Variants in DENND5B observed in about 807,000 individuals in gnomAD.
DENND5B encodes the protein DENN domain containing 5B.
A neutral mutation model predicts 140.6 loss-of-function variants in DENND5B; 34 were observed. The ratio of observed to expected loss-of-function variants is 0.24; its 90% CI spans 0.18 to 0.32. The LOEUF is 0.32. Ranked by LOEUF, DENND5B falls within the 10% of genes least tolerant of loss-of-function variation. The probability of loss-of-function intolerance (pLI) is 1.00; values close to 1 mark genes in which losing one functional copy is unlikely to be tolerated. For synonymous variants in DENND5B, 551 were observed against 562.1 expected (o/e 0.98, Z 0.28); for missense variants, 1,142 against 1,560.2 (o/e 0.73, Z 4.52).
At chr12:31,391,937 A>C (rs969724349) in intron 19 of DENND5B, among the ~76,000 whole-genome samples, 2 of 152,074 alleles carry the variant, frequency 1.3e-5, no homozygotes, top group African/African-American at 4.8e-5. Flanking sequence ...TCAGGAGTTC[A>C]AGACCAGCCT....
chr12:31,450,915 G>A (rs1167350471), intron 5 of DENND5B, among the ~76,000 whole-genome samples: 3 of 152,040 alleles, frequency 2.0e-5, no homozygotes, highest in Non-Finnish European at 4.4e-5. Context: ...CTGGGAGATA[G>A]GTGAAAAAAA....
intron 1 of DENND5B, among the ~76,000 whole-genome samples, chr12:31,540,659 C>A (rs543213270): frequency 6.6e-6 from 1 of 151,440 alleles, no homozygotes; most frequent in East Asian, 1.9e-4. Context: ...GTCCCGCCCC[C>A]CAACCCCCCC....
chr12:31,569,789 G>GCAA (rs1949754262), intron 1 of DENND5B, among the ~76,000 whole-genome samples: 1 of 152,132 alleles, frequency 6.6e-6, no homozygotes, highest in Non-Finnish European at 1.5e-5. Flanking sequence ...TCCAGCCTGG[G>GCAA]CAACAGAGTG....
At chr12:31,499,998 A>C (rs1314757821) in intron 1 of DENND5B, among the ~76,000 whole-genome samples, 1 of 152,258 alleles carries the variant, frequency 6.6e-6, no homozygotes, top group African/African-American at 2.4e-5. Flanking sequence ...TTCTATAGTC[A>C]GATATCATAC....
At chr12:31,520,270 A>C (rs1947828467) in intron 1 of DENND5B, among the ~76,000 whole-genome samples, 1 of 152,222 alleles carries the variant, frequency 6.6e-6, no homozygotes, top group Non-Finnish European at 1.5e-5. Flanking sequence ...TGAAGTTCTT[A>C]CTAATCAACT....
intron 1 of DENND5B, among the ~76,000 whole-genome samples, chr12:31,541,920 ATTATG>A (rs578166284): frequency 1.0e-3 from 154 of 152,334 alleles, no homozygotes; most frequent in African/African-American, 3.5e-3. Context: ...ACTGGAAGTC[ATTATG>A]TTAAGTGAAA....
chr12:31,418,537 G>A (rs892641666), intron 11 of DENND5B, among the ~76,000 whole-genome samples: 1 of 149,960 alleles, frequency 6.7e-6, no homozygotes, highest in Non-Finnish European at 1.5e-5. Context: ...CAAGCGATCT[G>A]CCTGCCTCGG....
At chr12:31,410,873 AT>A (rs1029695459) in intron 13 of DENND5B, among the ~76,000 whole-genome samples, 7 of 152,266 alleles carry the variant, frequency 4.6e-5, no homozygotes, top group East Asian at 1.9e-4. Context: ...TGTTAAGCTA[AT>A]AAAAAGGATG....
chr12:31,541,730 G>A lies in DENND5B; in HGVS notation c.128-45811C>T, dbSNP rs187732801. Among the ~76,000 whole-genome samples the A allele has an allele frequency of 5.4e-4, 82 of 152,282 alleles. 1 individual carries two copies. In the East Asian group the frequency reaches 0.013, roughly 24 times the overall value. On this transcript the variant is annotated intron_variant, in intron 1 of 20. Coordinates refer to ENST00000389082, the MANE Select transcript of DENND5B (RefSeq NM_144973.4). The stretch of plus-strand genomic sequence containing the variant: ...CCAAAATAAAGGAAATCAGTATATC[G>A]AAGCGATATCTGCACTTCCACGTTT...
intron 1 of DENND5B, among the ~76,000 whole-genome samples, chr12:31,525,897 G>C (rs1441478759): frequency 6.6e-6 from 1 of 152,152 alleles, no homozygotes; most frequent in Non-Finnish European, 1.5e-5. Flanking sequence ...AGAGGCTGAG[G>C]TGGGAGAATT....
intron 1 of DENND5B, among the ~76,000 whole-genome samples, chr12:31,581,351 T>C (rs971320058): frequency 2.0e-5 from 3 of 152,050 alleles, no homozygotes; most frequent in Non-Finnish European, 4.4e-5. Context: ...ATGTAGATAA[T>C]AATTGGGAGT....
rs919141644 is a variant in DENND5B at position 31,544,998 on chromosome 12, A to G, written c.127+45708T>C. On this transcript the variant is annotated intron_variant, in intron 1 of 20. Transcript: ENST00000389082. ...ATAACCTAGTTTCTTGAAAAAATCA[A>G]AAGCATAAAAACAAAGGGAAGGGGA... Among the ~76,000 whole-genome samples, 4 of 152,270 alleles carry G rather than the reference A, an allele frequency of 2.6e-5. No homozygotes were observed. In the East Asian group the frequency reaches 5.8e-4, roughly 22 times the overall value.
intron 3 of DENND5B, among the ~76,000 whole-genome samples, chr12:31,471,861 A>G (rs1055850245): frequency 1.3e-5 from 2 of 152,136 alleles, no homozygotes; most frequent in African/African-American, 4.8e-5. Flanking sequence ...CCAATCCTTG[A>G]GGGACCAGCC....
chr12:31,444,239 T>C (rs1944174800), intron 6 of DENND5B: 1 of 152,186 alleles, frequency 6.6e-6, no homozygotes, highest in Non-Finnish European at 1.5e-5. Context: ...AAATATTTCA[T>C]AGAATCAGTT....
chr12:31,575,580 A>G (rs192017947), intron 1 of DENND5B, among the ~76,000 whole-genome samples: 1 of 152,358 alleles, frequency 6.6e-6, no homozygotes, highest in African/African-American at 2.4e-5. Flanking sequence ...TCAAAGGACC[A>G]CAAGAGAAGG....
At chr12:31,505,757 C>T (rs763430041) in intron 1 of DENND5B, among the ~76,000 whole-genome samples, 5 of 152,038 alleles carry the variant, frequency 3.3e-5, no homozygotes, top group Admixed American at 6.6e-5. Flanking sequence ...GCAAATTCAT[C>T]GACTCCATTA....
chr12:31,426,760 G>A (rs997252316), intron 8 of DENND5B: 2 of 229,980 alleles, frequency 8.7e-6, no homozygotes, highest in African/African-American at 4.6e-5. Flanking sequence ...AAAAATTTAG[G>A]TGTTTAGATC....
intron 2 of DENND5B, among the ~76,000 whole-genome samples, chr12:31,482,938 C>G (rs1235065416): frequency 5.3e-5 from 8 of 152,200 alleles, no homozygotes; most frequent in Non-Finnish European, 1.2e-4. Context: ...TGCAGGGAAG[C>G]CCTGCATGAC....
chr12:31,538,444 G>A (rs2139144800), intron 1 of DENND5B, among the ~76,000 whole-genome samples: 1 of 152,182 alleles, frequency 6.6e-6, no homozygotes, highest in Non-Finnish European at 1.5e-5. Flanking sequence ...GCAGTACTGA[G>A]AGGCAAGTTT....
Sources: allele counts gnomAD v4.1 joint callset (sites outside exome capture counted in the v4.1 genomes callset), GRCh38; gene constraint gnomAD v4.1.1; transcripts MANE v1.5; gene names NCBI Gene and HGNC (gene_info 2026-07-23, HGNC 2026-07-21).